Variants in GRID2 observed in about 807,000 individuals in gnomAD.
GRID2 encodes the protein glutamate ionotropic receptor delta type subunit 2.
GRID2 carries 33 observed loss-of-function variants against 114.8 expected under a neutral mutation model. The ratio of observed to expected loss-of-function variants is 0.29; its 90% CI spans 0.22 to 0.38. The LOEUF (loss-of-function observed/expected upper bound fraction) is 0.38. GRID2 is among the 10% of genes least tolerant of loss of function. GRID2 has a pLI of 1.00. For missense variants in GRID2, 1,184 were observed against 1,257.7 expected (o/e 0.94, Z 0.89); for synonymous variants, 505 against 449.9 (o/e 1.12, Z -1.55).
chr4:92,339,168 T>C lies in GRID2; in HGVS notation c.88+34424T>C, dbSNP rs79789327. On this transcript the variant is annotated intron_variant, in intron 1 of 15. Coordinates refer to ENST00000282020, the MANE Select transcript of GRID2 (RefSeq NM_001510.4). ...TTACCATGTATCAAAAAATAAAGTA[T>C]ATGTGTTATATATTCAGCACCTTCT... Among the ~76,000 whole-genome samples the C allele has an allele frequency of 4.8e-3, 734 of 152,262 alleles. 8 individuals carry two copies. Among genetic ancestry groups the C allele is most frequent in the African/African-American group, 0.017 (692 of 41,572 alleles).
intron 2 of GRID2, among the ~76,000 whole-genome samples, chr4:92,608,147 A>T (rs1220483975): frequency 6.6e-6 from 1 of 151,806 alleles, no homozygotes; most frequent in Admixed American, 6.6e-5. Flanking sequence ...GAGAATGTAA[A>T]CATCATGCTG....
At chr4:92,957,378 T>C (rs1263691062) in intron 2 of GRID2, among the ~76,000 whole-genome samples, 1 of 152,122 alleles carries the variant, frequency 6.6e-6, no homozygotes, top group Non-Finnish European at 1.5e-5. Context: ...GGTGGTTGTC[T>C]AGTTGTTCCA....
chr4:92,776,125 T>C (rs1001056765), intron 2 of GRID2, among the ~76,000 whole-genome samples: 7 of 152,196 alleles, frequency 4.6e-5, no homozygotes, highest in African/African-American at 1.7e-4. Context: ...GGTATATGTA[T>C]GAGTGTGTGT....
At chr4:93,113,426 A>G (rs557704497) in intron 4 of GRID2, among the ~76,000 whole-genome samples, 1 of 152,260 alleles carries the variant, frequency 6.6e-6, no homozygotes, top group South Asian at 2.1e-4. Context: ...TGGTTCCCAG[A>G]CAGGTTGGTT....
At chr4:93,721,172 C>A (rs1729338081) in intron 14 of GRID2, among the ~76,000 whole-genome samples, 1 of 152,066 alleles carries the variant, frequency 6.6e-6, no homozygotes, top group Non-Finnish European at 1.5e-5. Flanking sequence ...TTTCAAAGGT[C>A]TTTCTCAATA....
intron 14 of GRID2, among the ~76,000 whole-genome samples, chr4:93,630,372 A>G (rs961719555): frequency 3.3e-5 from 5 of 152,168 alleles, no homozygotes; most frequent in African/African-American, 1.2e-4. Context: ...AGAAAACTGA[A>G]TTTTTCGGGT....
chr4:93,020,586 A>C (rs1723185075), intron 2 of GRID2, among the ~76,000 whole-genome samples: 3 of 152,214 alleles, frequency 2.0e-5, no homozygotes, highest in Non-Finnish European at 4.4e-5. Context: ...ATGTGGGTTT[A>C]AAATGGAATT....
intron 14 of GRID2, among the ~76,000 whole-genome samples, chr4:93,632,620 A>C (rs376600253): frequency 3.9e-5 from 6 of 152,026 alleles, no homozygotes; most frequent in East Asian, 1.9e-4. Flanking sequence ...GTTACTGTAG[A>C]CTTGTAGTAT....
At chr4:93,280,566 C>T (rs533269548) in intron 8 of GRID2, among the ~76,000 whole-genome samples, 1 of 151,932 alleles carries the variant, frequency 6.6e-6, no homozygotes, top group South Asian at 2.1e-4. Flanking sequence ...CTTTGGTTTT[C>T]ATAAATCTTG....
chr4:93,497,867 A>C (rs528010032), intron 12 of GRID2, among the ~76,000 whole-genome samples: 1 of 151,862 alleles, frequency 6.6e-6, no homozygotes, highest in African/African-American at 2.4e-5. Flanking sequence ...TATCTACAAA[A>C]ATATTGCTGA....
intron 13 of GRID2, among the ~76,000 whole-genome samples, chr4:93,594,366 G>A (rs1339738288): frequency 1.4e-4 from 22 of 152,130 alleles, no homozygotes; most frequent in Non-Finnish European, 2.2e-4. Context: ...TAGGCTGCTC[G>A]GGGGTCAGGG....
chr4:93,543,743 AGAG>A (rs1732903863), intron 13 of GRID2, among the ~76,000 whole-genome samples: 1 of 151,422 alleles, frequency 6.6e-6, no homozygotes, highest in Non-Finnish European at 1.5e-5. Flanking sequence ...AGAGAGAGAG[AGAG>A]AAGCAGCACT....
chr4:92,323,059 C>T (rs1242063376), intron 1 of GRID2, among the ~76,000 whole-genome samples: 1 of 152,002 alleles, frequency 6.6e-6, no homozygotes, highest in Non-Finnish European at 1.5e-5. Flanking sequence ...TCATACCCAA[C>T]CTCAAATGCT....
At position 93,515,262 on chromosome 4, in the gene GRID2, G is replaced by C; in HGVS notation, c.2044G>C (p.Val682Leu). The C allele has an allele frequency of 6.2e-7, 1 of 1,611,644 alleles. No individual in the cohort carries two copies. The highest frequency in any genetic ancestry group is 8.5e-7 in the Non-Finnish European group (1 of 1,178,198). ...GCAAACAGAAATCCCTTATGGCACA[G>C]TCCTAGACTCTGCGGTATATGAGCA... ...SKQTEIPYGT[V>L]LDSAVYEHVR... Residue 682 changes from valine (V) to leucine (L), a missense_variant, in exon 13 of 16, where the codon GTC (valine) becomes CTC (leucine). Physicochemically the swap from Val to Leu is conservative, Grantham distance 32 (BLOSUM62 1). Coordinates refer to ENST00000282020, the MANE Select transcript of GRID2 (RefSeq NM_001510.4).
At chr4:92,368,217 CT>C (rs1005202509) in intron 1 of GRID2, among the ~76,000 whole-genome samples, 1 of 151,944 alleles carries the variant, frequency 6.6e-6, no homozygotes, top group Non-Finnish European at 1.5e-5. Context: ...GTAATAGTCT[CT>C]TTTAAGAGGC....
At chr4:93,654,854 G>A (rs928966103) in intron 14 of GRID2, among the ~76,000 whole-genome samples, 6 of 152,122 alleles carry the variant, frequency 3.9e-5, no homozygotes, top group African/African-American at 1.4e-4. Flanking sequence ...AGTAGACTCT[G>A]CTAATGGATG....
At chr4:93,746,273 G>T (rs981745030) in intron 14 of GRID2, among the ~76,000 whole-genome samples, 1 of 152,092 alleles carries the variant, frequency 6.6e-6, no homozygotes, top group Non-Finnish European at 1.5e-5. Flanking sequence ...AGCTACAAAA[G>T]TAAATACCAT....
chr4:93,374,864 A>G (rs1018711642), intron 8 of GRID2, among the ~76,000 whole-genome samples: 2 of 152,124 alleles, frequency 1.3e-5, no homozygotes, highest in African/African-American at 4.8e-5. Flanking sequence ...TTTCCAGTAA[A>G]TTTTACTAGT....
At chr4:92,563,351 T>C (rs917316732) in intron 1 of GRID2, among the ~76,000 whole-genome samples, 3 of 152,122 alleles carry the variant, frequency 2.0e-5, no homozygotes, top group Non-Finnish European at 4.4e-5. Flanking sequence ...AGTAGGCTTA[T>C]TAACTTTTCT....
Sources: gnomAD v4.1 joint callset for allele counts (sites outside exome capture counted in the v4.1 genomes callset) on GRCh38, gnomAD v4.1.1 for gene constraint, MANE v1.5 for transcripts, NCBI Gene and HGNC (gene_info 2026-07-23, HGNC 2026-07-21) for gene names.